MAPRE1: variants seen among roughly 807,000 people sequenced by gnomAD.
MAPRE1 encodes the protein microtubule associated protein RP/EB family member 1.
Under a neutral mutation model 32.1 loss-of-function variants are expected in MAPRE1, and 5 were observed. The ratio of observed to expected loss-of-function variants is 0.16; its 90% confidence interval spans 0.08 to 0.33. MAPRE1 has a LOEUF of 0.33. MAPRE1 is among the 10% of genes least tolerant of loss of function. The pLI is 1.00. For missense variants in MAPRE1, 209 were observed against 327.2 expected (o/e 0.64, Z 2.79); for synonymous variants, 122 against 118.9 (o/e 1.03, Z -0.17).
At chr20:32,844,637 C>G (rs1983454905) in intron 5 of MAPRE1, among the ~76,000 whole-genome samples, 3 of 151,836 alleles carry the variant, frequency 2.0e-5, no homozygotes, top group Admixed American at 2.0e-4. Context: ...TGGTCTTGAT[C>G]TCTTGACCTC....
intron 2 of MAPRE1, 38 bp from the exon 3 acceptor site, chr20:32,833,679 T>G (rs1288533219): frequency 3.2e-6 from 5 of 1,586,614 alleles, no homozygotes; most frequent in Admixed American, 1.7e-5. Context: ...TCACCCTGCT[T>G]CTTTAATTGT....
chr20:32,842,765 A>G (rs1035098098), intron 5 of MAPRE1, among the ~76,000 whole-genome samples: 1 of 152,210 alleles, frequency 6.6e-6, no homozygotes, highest in Admixed American at 6.5e-5. Context: ...GAGAAGATGG[A>G]CTTGGTGCCT....
At chr20:32,825,127 G>C (rs1255762039) in intron 1 of MAPRE1, among the ~76,000 whole-genome samples, 1 of 150,310 alleles carries the variant, frequency 6.7e-6, no homozygotes, top group Admixed American at 6.6e-5. Context: ...ACTCCAGTCT[G>C]GGCACCAGAG....
chr20:32,829,523 C>G (rs1982960401), intron 2 of MAPRE1, among the ~76,000 whole-genome samples: 1 of 152,188 alleles, frequency 6.6e-6, no homozygotes, highest in Non-Finnish European at 1.5e-5. Context: ...CTCCTCAACT[C>G]CTTGTGCTTA....
intron 1 of MAPRE1, among the ~76,000 whole-genome samples, chr20:32,821,553 G>T (rs1417057824): frequency 6.6e-6 from 1 of 152,212 alleles, no homozygotes; most frequent in East Asian, 1.9e-4. Context: ...GACGTGATGT[G>T]CCTTTTGCTT....
At position 32,849,158 on chromosome 20, in the gene MAPRE1, C is replaced by G. The variant is rs1983583350; in HGVS notation, c.*430C>G. ...GTATTTAAAATATGCTTCCACATTTCAAAATATAAAATGTAACATGACAAG... is the reference window on the plus strand; with the variant it reads ...GTATTTAAAATATGCTTCCACATTTGAAAATATAAAATGTAACATGACAAG... On this transcript the variant is annotated 3_prime_UTR_variant, in exon 7 of 7. Transcript: ENST00000375571. The G allele has an allele frequency of 6.5e-6, 1 of 153,830 alleles. No homozygotes were observed. The highest frequency in any genetic ancestry group is 1.5e-5 in the Non-Finnish European group (1 of 68,912). The allele number at this position is 153,830 out of a possible 1,614,324, so 9.5% of individuals were successfully genotyped here.
intron 3 of MAPRE1, among the ~76,000 whole-genome samples, chr20:32,835,314 C>T (rs1283201570): frequency 6.7e-6 from 1 of 148,702 alleles, no homozygotes; most frequent in Non-Finnish European, 1.5e-5. Context: ...GAAATACTTA[C>T]AGGGTCCTTA....
intron 5 of MAPRE1, among the ~76,000 whole-genome samples, chr20:32,841,081 T>C (rs903253327): frequency 6.6e-6 from 1 of 152,252 alleles, no homozygotes; most frequent in South Asian, 2.1e-4. Flanking sequence ...CTCCCAGTGC[T>C]GGGATTACAG....
At chr20:32,838,312 G>T (rs1983257020) in intron 4 of MAPRE1, among the ~76,000 whole-genome samples, 1 of 152,262 alleles carries the variant, frequency 6.6e-6, no homozygotes, top group Non-Finnish European at 1.5e-5. Flanking sequence ...GCCCTAGCAT[G>T]TATCAGTCCT....
intron 2 of MAPRE1, among the ~76,000 whole-genome samples, chr20:32,830,770 T>G (rs1156980081): frequency 6.7e-6 from 1 of 149,256 alleles, no homozygotes; most frequent in Non-Finnish European, 1.5e-5. Flanking sequence ...GGAGTCTCGC[T>G]CTGTTGCCCA....
intron 1 of MAPRE1, among the ~76,000 whole-genome samples, chr20:32,822,147 G>A (rs914598895): frequency 1.3e-5 from 2 of 152,084 alleles, no homozygotes; most frequent in Non-Finnish European, 2.9e-5. Flanking sequence ...ATGATGAAAG[G>A]CCATTAATGT....
chr20:32,822,888 T>C (rs942474713), intron 1 of MAPRE1, among the ~76,000 whole-genome samples: 1 of 152,240 alleles, frequency 6.6e-6, no homozygotes, highest in African/African-American at 2.4e-5. Context: ...AATGAATTGC[T>C]CTGGAAACAT....
At chr20:32,838,008 A>G (rs1471785829) in intron 4 of MAPRE1, among the ~76,000 whole-genome samples, 1 of 152,148 alleles carries the variant, frequency 6.6e-6, no homozygotes, top group Non-Finnish European at 1.5e-5. Flanking sequence ...GCTTGAACCC[A>G]GGAGGTGGAG....
intron 1 of MAPRE1, among the ~76,000 whole-genome samples, 152 bp from the exon 2 acceptor site, chr20:32,825,771 CAG>C (rs1982828573): frequency 6.6e-6 from 1 of 152,082 alleles, no homozygotes; most frequent in South Asian, 2.1e-4. Context: ...GCCTGGGCGA[CAG>C]AGTGAGACTC....
chr20:32,849,100 C>T lies in MAPRE1; in HGVS notation c.*372C>T, dbSNP rs1157831510. On this transcript the variant is annotated 3_prime_UTR_variant, in exon 7 of 7. Coordinates refer to ENST00000375571, the MANE Select transcript of MAPRE1 (RefSeq NM_012325.3). ...ATTGAATTTTAAGCTAATGTGAAATCAGAGAATGTTGTAATAAGTAAATGC... is the reference window on the plus strand; with the variant it reads ...ATTGAATTTTAAGCTAATGTGAAATTAGAGAATGTTGTAATAAGTAAATGC... The T allele has an allele frequency of 1.2e-5, 2 of 163,472 alleles. No individual in the cohort carries two copies. Among genetic ancestry groups the T allele is most frequent in the Non-Finnish European group, 2.7e-5 (2 of 75,424 alleles). The allele number at this position is 163,472 out of a possible 1,614,324, so 10.1% of individuals were successfully genotyped here.
chr20:32,821,023 C>T (rs145523390), intron 1 of MAPRE1, among the ~76,000 whole-genome samples: 93 of 146,466 alleles, frequency 6.3e-4, no homozygotes, highest in Non-Finnish European at 1.2e-3. Context: ...TTCTCTTCTT[C>T]CTTTTTTTTT....
At chr20:32,842,486 T>C (rs536734623) in intron 5 of MAPRE1, among the ~76,000 whole-genome samples, 3 of 152,352 alleles carry the variant, frequency 2.0e-5, no homozygotes, top group Admixed American at 6.5e-5. Flanking sequence ...ATAATAAGGC[T>C]TGGAGAGGTT....
chr20:32,841,624 A>G (rs1237072044), intron 5 of MAPRE1, among the ~76,000 whole-genome samples: 1 of 29,854 alleles, frequency 3.3e-5, no homozygotes, highest in Non-Finnish European at 6.7e-5. Flanking sequence ...CCCTCCCCCC[A>G]CCGCACAACA....
chr20:32,837,448 C>G (rs1478403698), intron 4 of MAPRE1, among the ~76,000 whole-genome samples: 1 of 152,120 alleles, frequency 6.6e-6, no homozygotes, highest in Non-Finnish European at 1.5e-5. Flanking sequence ...TACATACCTT[C>G]TCAAAAGGGT....
Sources: gnomAD v4.1 joint callset for allele counts (sites outside exome capture counted in the v4.1 genomes callset) on GRCh38, gnomAD v4.1.1 for gene constraint, MANE v1.5 for transcripts, NCBI Gene and HGNC (gene_info 2026-07-23, HGNC 2026-07-21) for gene names.